MBTPS1: variants seen among roughly 807,000 people sequenced by gnomAD.
MBTPS1 encodes membrane bound transcription factor peptidase, site 1.
Under a neutral mutation model 127.8 loss-of-function variants are expected in MBTPS1, and 94 were observed. That is an observed-to-expected ratio of 0.74 (90% CI 0.62 to 0.87). The LOEUF (loss-of-function observed/expected upper bound fraction) is 0.87, where lower values mean the gene tolerates loss of function less well. MBTPS1 is among the 40% of genes least tolerant of loss of function. The pLI, the probability that MBTPS1 is intolerant of heterozygous loss-of-function variation, is 0.00. For synonymous variants in MBTPS1, 632 were observed against 509.4 expected, an observed-to-expected ratio of 1.24 and a Z score of -3.24; for missense variants, 1,636 against 1,353.2, an observed-to-expected ratio of 1.21 and a Z score of -3.28.
chr16:84,065,639 AAG>A, intron 18 of MBTPS1, 49 bp downstream of exon 18: 1 of 1,186,506 alleles, frequency 8.4e-7, no homozygotes, highest in Middle Eastern at 1.9e-4. Flanking sequence ...AGCGGGGGAA[AAG>A]GGAGCGAGAG....
At chr16:84,096,896 C>A (rs2086186184) in intron 3 of MBTPS1, among the ~76,000 whole-genome samples, 1 of 152,198 alleles carries the variant, frequency 6.6e-6, no homozygotes, top group Admixed American at 6.5e-5. Context: ...CCTGCACAGG[C>A]CAGACTCCAC....
chr16:84,093,541 G>C (rs147504964), intron 5 of MBTPS1, among the ~76,000 whole-genome samples, 170 bp downstream of exon 5: 2,887 of 152,266 alleles, frequency 0.019, 57 homozygotes, highest in Non-Finnish European at 0.026. Context: ...CTCTCCTGAA[G>C]TGCTACCTCC....
intron 12 of MBTPS1, among the ~76,000 whole-genome samples, chr16:84,071,204 G>A (rs745992624): frequency 2.6e-4 from 40 of 152,182 alleles, no homozygotes; most frequent in Non-Finnish European, 4.9e-4. Context: ...CAGCTGTCCC[G>A]AGTCACATTC....
At chr16:84,099,005 T>C in intron 3 of MBTPS1, 48 bp downstream of exon 3, 1 of 1,510,236 alleles carries the variant, frequency 6.6e-7, no homozygotes, top group Non-Finnish European at 8.9e-7. Flanking sequence ...GTTTGAGATT[T>C]TCAAAGTAAA....
At chr16:84,116,692 G>C (rs886466381) in intron 1 of MBTPS1, 43 bp downstream of exon 1, 1 of 151,994 alleles carries the variant, frequency 6.6e-6, no homozygotes, top group Non-Finnish European at 1.5e-5. Flanking sequence ...GCCGCCGCTA[G>C]GCGGAGCGGG....
chr16:84,065,626 A>AGG, intron 18 of MBTPS1, 64 bp downstream of exon 18: 1 of 1,025,744 alleles, frequency 9.7e-7, no homozygotes, highest in Non-Finnish European at 1.6e-6. Context: ...AGACAGAGAG[A>AGG]GAAGCGGGGG....
chr16:84,063,348 C>G lies in MBTPS1; in HGVS notation c.2529G>C (p.Leu843=). The G allele has an allele frequency of 6.2e-7, 1 of 1,614,148 alleles. No homozygotes were observed. Among genetic ancestry groups the G allele is most frequent in the Non-Finnish European group, 8.5e-7 (1 of 1,179,978 alleles). Reference sequence around the variant, plus strand: ...CATCCAAGCAATTGGAGTCCCCATACAGTACAATCCGGCCTCCACCCTCAG... The same window carrying G: ...CATCCAAGCAATTGGAGTCCCCATAGAGTACAATCCGGCCTCCACCCTCAG... ...IPAEGGGRIV[L]YGDSNCLDDS... Residue 843 remains leucine (L), a synonymous_variant, in exon 19 of 23, where the codon CTG becomes CTC. Transcript: ENST00000343411.
intron 11 of MBTPS1, among the ~76,000 whole-genome samples, chr16:84,079,888 G>A (rs955668017): frequency 5.3e-5 from 8 of 152,210 alleles, no homozygotes; most frequent in African/African-American, 7.2e-5. Context: ...AGCTCTGTCC[G>A]AAGAGCGCAG....
At chr16:84,112,572 G>C (rs186348625) in intron 1 of MBTPS1, among the ~76,000 whole-genome samples, 193 of 149,088 alleles carry the variant, frequency 1.3e-3, no homozygotes, top group East Asian at 7.5e-3. Flanking sequence ...TGAGACATGA[G>C]AATGGCGTGA....
chr16:84,080,842 C>T (rs1031259744), intron 11 of MBTPS1, among the ~76,000 whole-genome samples: 12 of 152,246 alleles, frequency 7.9e-5, no homozygotes, highest in African/African-American at 2.9e-4. Flanking sequence ...GCCCTCACTC[C>T]CCACATATCT....
chr16:84,075,965 G>C (rs16962728), intron 11 of MBTPS1, among the ~76,000 whole-genome samples: 4,431 of 152,304 alleles, frequency 0.029, 80 homozygotes, highest in Middle Eastern at 0.078. Context: ...AAATGTGTTT[G>C]TAAACTTTGC....
At chr16:84,099,446 C>T (rs2151167553) in intron 2 of MBTPS1, 136 bp from the exon 3 acceptor site, 1 of 871,538 alleles carries the variant, frequency 1.1e-6, no homozygotes, top group Non-Finnish European at 1.7e-6. Flanking sequence ...AACACAAAGA[C>T]TAGTTTAAGT....
chr16:84,101,580 A>C (rs373014284), intron 2 of MBTPS1, 41 bp downstream of exon 2: 391 of 1,525,564 alleles, frequency 2.6e-4, no homozygotes, highest in Non-Finnish European at 3.2e-4. Context: ...GCTTTAAAAA[A>C]ATAGGATGGG....
intron 1 of MBTPS1, among the ~76,000 whole-genome samples, chr16:84,116,464 C>A (rs1206673588): frequency 6.6e-6 from 1 of 152,210 alleles, no homozygotes; most frequent in African/African-American, 2.4e-5. Flanking sequence ...CAGAGCAGGG[C>A]GTATTGTTTC....
intron 2 of MBTPS1, among the ~76,000 whole-genome samples, chr16:84,101,197 G>A (rs900983284): frequency 6.6e-6 from 1 of 151,884 alleles, no homozygotes; most frequent in Non-Finnish European, 1.5e-5. Context: ...CTGCTCAGGA[G>A]GCTGAGGCAG....
chr16:84,106,847 T>A (rs1244284279), intron 1 of MBTPS1, among the ~76,000 whole-genome samples: 1 of 152,060 alleles, frequency 6.6e-6, no homozygotes, highest in African/African-American at 2.4e-5. Context: ...GCGATGACAT[T>A]ACAGATACGA....
intron 17 of MBTPS1, 41 bp downstream of exon 17, chr16:84,066,448 T>G (rs745306564): frequency 6.2e-7 from 1 of 1,604,876 alleles, no homozygotes; most frequent in South Asian, 1.1e-5. Context: ...GAGCTTCTGC[T>G]CTCACACCTA....
intron 7 of MBTPS1, 75 bp downstream of exon 7, chr16:84,091,657 T>C: frequency 2.1e-6 from 2 of 965,538 alleles, no homozygotes; most frequent in Non-Finnish European, 3.4e-6. Context: ...ACCAACACAC[T>C]AGATATGATG....
At position 84,059,248 on chromosome 16, in the gene MBTPS1, G is replaced by T. The variant is rs536756892; in HGVS notation, c.2831+54C>A. ...AATTCCATTCTCTCCTATAAGAAAA[G>T]CAATGACTCACAAGCCCCGTGGAAA... On this transcript the variant is annotated intron_variant, in intron 21 of 22. Coordinates refer to ENST00000343411, the MANE Select transcript of MBTPS1 (RefSeq NM_003791.4). 32 of 1,566,824 alleles carry T rather than the reference G, an allele frequency of 2.0e-5. No homozygotes were observed. The African/African-American group carries it at 3.8e-4, about 19-fold the overall frequency.
Sources: allele counts gnomAD v4.1 joint callset (sites outside exome capture counted in the v4.1 genomes callset), GRCh38; gene constraint gnomAD v4.1.1; transcripts MANE v1.5; gene names NCBI Gene and HGNC (gene_info 2026-07-23, HGNC 2026-07-21).